The following GRM7 variants were observed in gnomAD, a reference collection of about 807,000 sequenced individuals.
The protein encoded by GRM7 is glutamate metabotropic receptor 7, also known as metabotropic glutamate receptor 7.
Under a neutral mutation model 84.5 loss-of-function variants are expected in GRM7, and 35 were observed. The ratio of observed to expected loss-of-function variants is 0.41; its 90% CI spans 0.32 to 0.55. The LOEUF is 0.55. GRM7 is among the 20% of genes least tolerant of loss of function. The probability of loss-of-function intolerance (pLI) is 0.19; values close to 1 mark genes in which losing one functional copy is unlikely to be tolerated. For missense variants in GRM7, 1,003 were observed against 1,194.6 expected, an observed-to-expected ratio of 0.84 and a Z score of 2.36; for synonymous variants, 487 against 455.1, an observed-to-expected ratio of 1.07 and a Z score of -0.89.
chr3:7,504,880 A>G (rs1204994073), intron 7 of GRM7, among the ~76,000 whole-genome samples: 5 of 152,210 alleles, frequency 3.3e-5, no homozygotes, highest in Non-Finnish European at 7.3e-5. Context: ...ATAGCCCCAC[A>G]GTCTTAACCA....
intron 1 of GRM7, among the ~76,000 whole-genome samples, chr3:6,867,672 C>A: frequency 6.6e-6 from 1 of 152,254 alleles, no homozygotes. Context: ...AAACATATTT[C>A]CCAACCACTA....
chr3:7,287,892 A>C (rs2125005816), intron 2 of GRM7, among the ~76,000 whole-genome samples: 1 of 152,260 alleles, frequency 6.6e-6, no homozygotes. Context: ...GAAAAATAGC[A>C]CAATTCTTAA....
intron 1 of GRM7, among the ~76,000 whole-genome samples, chr3:6,989,381 A>G (rs1694548470): frequency 6.6e-6 from 1 of 152,244 alleles, no homozygotes; most frequent in African/African-American, 2.4e-5. Context: ...GAAAACTCAG[A>G]AGCATTAGGA....
At chr3:7,146,311 A>T in intron 1 of GRM7, 141 bp from the exon 2 acceptor site, 1 of 665,232 alleles carries the variant, frequency 1.5e-6, no homozygotes, top group Non-Finnish European at 2.7e-6. Flanking sequence ...TAGGTGGTCT[A>T]AAATTACATG....
chr3:7,333,746 G>A (rs969685324), intron 4 of GRM7, among the ~76,000 whole-genome samples: 1 of 151,216 alleles, frequency 6.6e-6, no homozygotes, highest in East Asian at 1.9e-4. Context: ...AGTCTCCAGA[G>A]AAATAAATAT....
At chr3:7,658,578 T>C (rs898385031) in intron 8 of GRM7, among the ~76,000 whole-genome samples, 1 of 152,220 alleles carries the variant, frequency 6.6e-6, no homozygotes, top group Non-Finnish European at 1.5e-5. Flanking sequence ...TTTAGAGAGA[T>C]AGCTGATGTA....
At chr3:7,699,979 T>G (rs1701166588) in intron 9 of GRM7, among the ~76,000 whole-genome samples, 2 of 152,124 alleles carry the variant, frequency 1.3e-5, no homozygotes, top group South Asian at 4.2e-4. Flanking sequence ...CAGTACCCTC[T>G]GTAAGCAAGT....
chr3:7,498,991 C>T (rs1372146049), intron 7 of GRM7, among the ~76,000 whole-genome samples: 1 of 152,096 alleles, frequency 6.6e-6, no homozygotes, highest in Non-Finnish European at 1.5e-5. Flanking sequence ...CTAAAAATTG[C>T]TGATTTTGCC....
At chr3:7,538,591 A>G (rs1040198063) in intron 7 of GRM7, among the ~76,000 whole-genome samples, 1 of 152,246 alleles carries the variant, frequency 6.6e-6, no homozygotes, top group Non-Finnish European at 1.5e-5. Context: ...GAAAGCTTAT[A>G]GAGATGTTGG....
intron 2 of GRM7, among the ~76,000 whole-genome samples, chr3:7,293,895 G>T (rs1405020974): frequency 6.6e-6 from 1 of 152,166 alleles, no homozygotes; most frequent in East Asian, 1.9e-4. Context: ...ACAAATAAGG[G>T]ATGGATTGTC....
At chr3:7,330,154 G>T (rs1701145618) in intron 4 of GRM7, among the ~76,000 whole-genome samples, 1 of 152,102 alleles carries the variant, frequency 6.6e-6, no homozygotes, top group Admixed American at 6.6e-5. Context: ...TCTCGTAAAA[G>T]CACACTTCAG....
At chr3:7,215,879 A>C (rs943836748) in intron 2 of GRM7, among the ~76,000 whole-genome samples, 1 of 152,096 alleles carries the variant, frequency 6.6e-6, no homozygotes, top group Non-Finnish European at 1.5e-5. Flanking sequence ...ACAAAACTCA[A>C]CTTTCCCGCC....
intron 6 of GRM7, among the ~76,000 whole-genome samples, chr3:7,460,506 T>C (rs1698202619): frequency 6.6e-6 from 1 of 152,304 alleles, no homozygotes; most frequent in Non-Finnish European, 1.5e-5. Context: ...TGAATCTGTG[T>C]GTGGCCAAAG....
In GRM7 at chr3:7,486,588, C is replaced by T. The variant is rs1190755700; in HGVS notation, c.1515+24866C>T. On this transcript the variant is annotated intron_variant, in intron 7 of 9. Coordinates refer to ENST00000357716, the MANE Select transcript of GRM7 (RefSeq NM_000844.4). This position sits in a 1 kb window ranked among gnomAD's most constrained non-coding sequence, Gnocchi z 5.5. ...CAAGTCTGCCTCACAAGTTTGTTCT[C>T]TCTGCACACACCTGCTTCTTTCACT... is the stretch of plus-strand genomic sequence containing the variant. Among the ~76,000 whole-genome samples the T allele has an allele frequency of 6.6e-6, 1 of 152,150 alleles. No individual in the cohort carries two copies. Among genetic ancestry groups the T allele is most frequent in the Non-Finnish European group, 1.5e-5 (1 of 68,040 alleles).
chr3:6,970,407 C>A (rs1034832233), intron 1 of GRM7, among the ~76,000 whole-genome samples: 1 of 152,210 alleles, frequency 6.6e-6, no homozygotes, highest in African/African-American at 2.4e-5. Context: ...ACCGTACTTA[C>A]AACATTTCTG....
Position 7,685,001 on chromosome 3 carries a change from C to T in GRM7, c.2698+4706C>T, listed in dbSNP as rs1034761287. On this transcript the variant is annotated intron_variant, in intron 9 of 9. Coordinates refer to ENST00000357716, the MANE Select transcript of GRM7 (RefSeq NM_000844.4). ...AGAAGGGCACCTCAAACTGTTTCTC[C>T]CACCTGCATCCTGAATTTGGCATGT... is the stretch of plus-strand genomic sequence containing the variant. Among the ~76,000 whole-genome samples, 14 of 151,994 alleles carry T rather than the reference C, an allele frequency of 9.2e-5. No homozygotes were observed. In the East Asian group the frequency reaches 1.2e-3, roughly 13 times the overall value.
chr3:7,068,624 G>A (rs539519513), intron 1 of GRM7, among the ~76,000 whole-genome samples: 6 of 151,970 alleles, frequency 3.9e-5, no homozygotes, highest in African/African-American at 1.2e-4. Flanking sequence ...TAGTATATTA[G>A]GATTATTTTT....
intron 1 of GRM7, among the ~76,000 whole-genome samples, chr3:7,086,995 G>A (rs4142868): frequency 0.5 from 75,728 of 151,968 alleles, 20,166 homozygotes; most frequent in African/African-American, 0.7. Flanking sequence ...ACATGGAACA[G>A]ACACATTTCC....
chr3:7,579,712 AGAG>A (rs147398474), intron 8 of GRM7, among the ~76,000 whole-genome samples: 6,545 of 152,226 alleles, frequency 0.043, 376 homozygotes, highest in African/African-American at 0.13. Context: ...GGGTAGGAAA[AGAG>A]GAGCATAGTA....
Sources: allele counts gnomAD v4.1 joint callset (sites outside exome capture counted in the v4.1 genomes callset), GRCh38; gene constraint gnomAD v4.1.1; non-coding constraint Gnocchi (gnomAD v3.1); transcripts MANE v1.5; gene names NCBI Gene and HGNC (gene_info 2026-07-23, HGNC 2026-07-21).